TDG: variants seen among roughly 807,000 people sequenced by gnomAD.
The protein encoded by TDG is G/T mismatch-specific thymine DNA glycosylase.
Under a neutral mutation model 46.1 loss-of-function variants are expected in TDG, and 23 were observed. That is an observed-to-expected ratio of 0.50 (90% confidence interval 0.36 to 0.71). The LOEUF is 0.71. TDG is among the 30% of genes least tolerant of loss of function. TDG has a pLI of 0.00. For missense variants in TDG, 304 were observed against 486.7 expected (o/e 0.62, Z 3.53); for synonymous variants, 115 against 161.3 (o/e 0.71, Z 2.18).
intron 1 of TDG, among the ~76,000 whole-genome samples, chr12:103,970,608 A>G (rs1871245541): frequency 6.6e-6 from 1 of 152,106 alleles, no homozygotes; most frequent in Admixed American, 6.6e-5. Context: ...CTAGCTAGGC[A>G]TGGTGGTGTG....
intron 1 of TDG, among the ~76,000 whole-genome samples, chr12:103,966,927 G>T (rs547776591): frequency 2.2e-4 from 34 of 152,262 alleles, no homozygotes; most frequent in African/African-American, 8.2e-4. Flanking sequence ...ATCTGATTCT[G>T]ACATGCCGAG....
intron 1 of TDG, among the ~76,000 whole-genome samples, chr12:103,966,284 C>G (rs1274723876): frequency 6.6e-6 from 1 of 152,158 alleles, no homozygotes; most frequent in African/African-American, 2.4e-5. Context: ...CTGGACCCTT[C>G]TTTGGTTCCC....
intron 9 of TDG, 50 bp downstream of exon 9, chr12:103,985,778 A>G: frequency 7.0e-7 from 1 of 1,434,952 alleles, no homozygotes; most frequent in Non-Finnish European, 9.2e-7. Context: ...TTTGGTCAGG[A>G]TTGGGGGGAA....
intron 2 of TDG, among the ~76,000 whole-genome samples, chr12:103,977,543 A>G (rs1004569446): frequency 2.6e-5 from 4 of 152,212 alleles, no homozygotes; most frequent in East Asian, 1.9e-4. Flanking sequence ...AAACAGAGCA[A>G]TTCTGTGTCC....
At chr12:103,970,020 A>C (rs1871225029) in intron 1 of TDG, among the ~76,000 whole-genome samples, 1 of 152,250 alleles carries the variant, frequency 6.6e-6, no homozygotes, top group African/African-American at 2.4e-5. Context: ...ACCTCCATCT[A>C]GCAATACCAA....
chr12:103,984,982 TAC>T, intron 8 of TDG, 62 bp downstream of exon 8: 1 of 1,289,430 alleles, frequency 7.8e-7, no homozygotes. Flanking sequence ...CATATATACT[TAC>T]ATATATATAC....
At chr12:103,974,892 G>A (rs968217017) in intron 1 of TDG, among the ~76,000 whole-genome samples, 6 of 149,936 alleles carry the variant, frequency 4.0e-5, no homozygotes, top group Non-Finnish European at 8.9e-5. Context: ...GGAGAATGGC[G>A]TGAACCCGGG....
chr12:103,980,191 G>A, intron 3 of TDG, 119 bp downstream of exon 3: 1 of 1,396,876 alleles, frequency 7.2e-7, no homozygotes, highest in Non-Finnish European at 9.8e-7. Flanking sequence ...TCCTTTTGGT[G>A]GTAAATGGTG....
chr12:103,969,429 CTG>C (rs1173358471), intron 1 of TDG, among the ~76,000 whole-genome samples: 1 of 152,210 alleles, frequency 6.6e-6, no homozygotes, highest in African/African-American at 2.4e-5. Context: ...ATCAGGCAGA[CTG>C]AAGAGAGGTC....
intron 1 of TDG, among the ~76,000 whole-genome samples, chr12:103,974,271 T>TTTG (rs56774626): frequency 0.9 from 134,952 of 150,398 alleles, 60,636 homozygotes; most frequent in East Asian, 1. Context: ...TTTGCCCTCT[T>TTTG]TTGTTGTTGT....
In TDG at chr12:103,966,044, G is replaced by A. The variant is rs1425763250; in HGVS notation, c.7G>A (p.Ala3Thr). 1 of 1,595,478 alleles carries A rather than the reference G, an allele frequency of 6.3e-7. No individual in the cohort carries two copies. The highest frequency in any genetic ancestry group is 8.5e-7 in the Non-Finnish European group (1 of 1,171,728). Residue 3 changes from alanine to threonine, a missense_variant, in exon 1 of 10, where the codon GCG becomes ACG. Ala to Thr is a moderately conservative substitution (Grantham distance 58). Transcript: ENST00000392872. ...GCATCAGCGGCCTCGGGGAATGGAAGCGGAGAACGCGGGCAGGTAATACCG... is the reference window on the plus strand; with the variant it reads ...GCATCAGCGGCCTCGGGGAATGGAAACGGAGAACGCGGGCAGGTAATACCG... ME[A>T]ENAGSYSLQQ...
At chr12:103,967,039 C>G (rs925161355) in intron 1 of TDG, among the ~76,000 whole-genome samples, 1 of 152,190 alleles carries the variant, frequency 6.6e-6, no homozygotes, top group African/African-American at 2.4e-5. Context: ...CTTTGTGGAT[C>G]AAGTCCTGGA....
At chr12:103,985,508 A>G in intron 8 of TDG, 95 bp from the exon 9 acceptor site, 2 of 1,383,004 alleles carry the variant, frequency 1.4e-6, no homozygotes, top group Non-Finnish European at 1.9e-6. Flanking sequence ...GTATATGAAT[A>G]TTCAAGAAAA....
intron 1 of TDG, among the ~76,000 whole-genome samples, chr12:103,970,409 G>A (rs948552502): frequency 7.2e-5 from 11 of 152,160 alleles, no homozygotes; most frequent in African/African-American, 2.7e-4. Context: ...GCCCAGGTGT[G>A]TGTGGTTACT....
chr12:103,985,994 A>C (rs1032809882), intron 9 of TDG, among the ~76,000 whole-genome samples: 1 of 152,086 alleles, frequency 6.6e-6, no homozygotes, highest in African/African-American at 2.4e-5. Context: ...ATCTTGGCTC[A>C]CTGCAAGCTC....
chr12:103,983,617 TATTC>T (rs995251275), intron 7 of TDG, among the ~76,000 whole-genome samples: 4 of 152,244 alleles, frequency 2.6e-5, no homozygotes, highest in Admixed American at 2.0e-4. Flanking sequence ...TTGATGTTGT[TATTC>T]AGTGAAAATA....
intron 3 of TDG, chr12:103,980,632 G>A (rs1263059948): frequency 2.9e-6 from 1 of 341,994 alleles, no homozygotes; most frequent in Non-Finnish European, 5.3e-6. Context: ...CAGTTGGTGA[G>A]GGTGCGAGGC....
At chr12:103,972,053 A>T (rs1457564902) in intron 1 of TDG, among the ~76,000 whole-genome samples, 2 of 152,184 alleles carry the variant, frequency 1.3e-5, no homozygotes, top group East Asian at 1.9e-4. Context: ...CCTCACACTG[A>T]GGTTGAAACA....
intron 1 of TDG, among the ~76,000 whole-genome samples, chr12:103,967,299 G>C (rs1199872938): frequency 6.6e-6 from 1 of 152,044 alleles, no homozygotes; most frequent in African/African-American, 2.4e-5. Context: ...ATTTTATTTT[G>C]CCTTGAAAAG....
Sources: allele counts gnomAD v4.1 joint callset (sites outside exome capture counted in the v4.1 genomes callset), GRCh38; gene constraint gnomAD v4.1.1; transcripts MANE v1.5; gene names NCBI Gene and HGNC (gene_info 2026-07-23, HGNC 2026-07-21).